BEGAIN: variants seen among roughly 807,000 people sequenced by gnomAD.
BEGAIN encodes brain enriched guanylate kinase associated, also known as brain-enriched guanylate kinase-associated protein.
BEGAIN carries 19 observed loss-of-function variants against 35.8 expected under a neutral mutation model. The ratio of observed to expected loss-of-function variants is 0.53; its 90% CI spans 0.37 to 0.78. The LOEUF (loss-of-function observed/expected upper bound fraction) is 0.78. BEGAIN is among the 30% of genes least tolerant of loss of function. The pLI, the probability that BEGAIN is intolerant of heterozygous loss-of-function variation, is 0.00. For synonymous variants in BEGAIN, 462 were observed against 388.6 expected (o/e 1.19, Z -2.22); for missense variants, 795 against 853.6 (o/e 0.93, Z 0.85).
chr14:100,567,216 G>C lies in BEGAIN; in HGVS notation c.71+695C>G, dbSNP rs1205657990. Among the ~76,000 whole-genome samples the C allele has an allele frequency of 6.6e-6, 1 of 152,208 alleles. No individual in the cohort carries two copies. Among genetic ancestry groups the C allele is most frequent in the Non-Finnish European group, 1.5e-5 (1 of 68,016 alleles). On this transcript the variant is annotated intron_variant, in intron 2 of 6. Transcript: ENST00000554140. This position sits in a 1 kb window ranked among gnomAD's most constrained non-coding sequence, Gnocchi z 5.1. ...CCAAAGTAGGGGTCAGGGTGCCAGG[G>C]GAAGTCGTGGAGGAAGTGGCAAATA...
rs142511754 is a variant in BEGAIN, at chr14:100,581,964, T to C, written c.42+5285A>G. Among the ~76,000 whole-genome samples the C allele has an allele frequency of 3.8e-4, 58 of 152,330 alleles. 1 individual carries two copies. Among genetic ancestry groups the C allele is most frequent in the African/African-American group, 1.3e-3 (53 of 41,582 alleles). On this transcript the variant is annotated intron_variant, in intron 1 of 6. Transcript: ENST00000554140. ...CCTCGCTTCATTCTTACAGCAGGCC[T>C]GAAAGCTAGGAGCAGCTACCCCGCT... is the stretch of plus-strand genomic sequence containing the variant.
At chr14:100,583,691 C>CTTTTTTTTTT (rs372001135) in intron 1 of BEGAIN, among the ~76,000 whole-genome samples, 1 of 53,894 alleles carries the variant, frequency 1.9e-5, no homozygotes, top group Non-Finnish European at 4.3e-5. Context: ...CGTTTTTCTT[C>CTTTTTTTTTT]CTTTTTTTTT....
chr14:100,576,353 T>A (rs2035202075), intron 1 of BEGAIN, among the ~76,000 whole-genome samples: 1 of 152,094 alleles, frequency 6.6e-6, no homozygotes. Flanking sequence ...TCCACCTCCC[T>A]CCTCCTCCAT....
At position 100,537,803 on chromosome 14, in the gene BEGAIN, C is replaced by A; in HGVS notation, c.*166G>T. The A allele has an allele frequency of 9.0e-7, 1 of 1,111,070 alleles. No individual in the cohort carries two copies. Among genetic ancestry groups the A allele is most frequent in the East Asian group, 3.0e-5 (1 of 33,180 alleles). 68.8% of individuals were successfully genotyped at this position (1,111,070 alleles called of 1,614,324 possible). A position where few individuals can be genotyped will look rare whatever the true frequency, so the allele number is the denominator to read the frequency against. On this transcript the variant is annotated 3_prime_UTR_variant, in exon 7 of 7. Transcript: ENST00000554140. ...GACACCGTGGTGTGGGGGACCCTCCCCTCAGGCCTACAGGGCTGGGGAGGA... is the reference window on the plus strand; with the variant it reads ...GACACCGTGGTGTGGGGGACCCTCCACTCAGGCCTACAGGGCTGGGGAGGA...
intron 1 of BEGAIN, among the ~76,000 whole-genome samples, chr14:100,572,017 A>G (rs2035094587): frequency 6.6e-6 from 1 of 152,156 alleles, no homozygotes. Flanking sequence ...GTTGGCCTGA[A>G]CGAATGCAGT....
chr14:100,545,183 C>T, intron 3 of BEGAIN, 117 bp from the exon 4 acceptor site: 1 of 1,557,680 alleles, frequency 6.4e-7, no homozygotes, highest in African/African-American at 1.3e-5. Flanking sequence ...GAGCTCACCC[C>T]ACCAGCTTCA....
At chr14:100,577,672 G>A in intron 1 of BEGAIN, 1 of 399,160 alleles carries the variant, frequency 2.5e-6, no homozygotes, top group East Asian at 3.6e-5. Context: ...GAGGGAGCCA[G>A]TGACAGCCCG....
intron 2 of BEGAIN, among the ~76,000 whole-genome samples, chr14:100,560,012 C>T (rs1224310520): frequency 6.6e-6 from 1 of 152,184 alleles, no homozygotes; most frequent in Non-Finnish European, 1.5e-5. Context: ...GTCTAGGATC[C>T]CCCAATCTCT....
rs1566984601 is a variant in BEGAIN at position 100,585,420 on chromosome 14, CCAT to C, written c.42+1826_42+1828del. On this transcript the variant is annotated intron_variant, in intron 1 of 6. Transcript: ENST00000554140. Reference sequence around the variant, plus strand: ...CCATCCATCCCTCCCTCCCTCCCATCCATCCATCCATCCATCCATCCATCCATC... The same window carrying C: ...CCATCCATCCCTCCCTCCCTCCCATCCCATCCATCCATCCATCCATCCATC... 3.8e-4 allele frequency among the ~76,000 whole-genome samples: 17 copies of C among 44,436 alleles called. 1 individual carries two copies. Among genetic ancestry groups the C allele is most frequent in the African/African-American group, 7.8e-4 (15 of 19,304 alleles). The allele number at this position is 44,436 out of a possible 152,430, so 29.2% of individuals were successfully genotyped here. A position where few individuals can be genotyped will look rare whatever the true frequency, so the allele number is the denominator to read the frequency against.
intron 1 of BEGAIN, among the ~76,000 whole-genome samples, 154 bp downstream of exon 1, chr14:100,587,095 G>A (rs891765806): frequency 1.3e-5 from 2 of 151,272 alleles, no homozygotes; most frequent in African/African-American, 4.8e-5. Context: ...CCGGGCCAGT[G>A]AAGCCTCCAC....
chr14:100,573,136 G>A lies in BEGAIN; in HGVS notation c.43-5197C>T, dbSNP rs529802982. Among the ~76,000 whole-genome samples, 65 of 151,442 alleles carry A rather than the reference G, an allele frequency of 4.3e-4. No homozygotes were observed. Among genetic ancestry groups the A allele is most frequent in the Non-Finnish European group, 8.1e-4 (55 of 67,844 alleles). On this transcript the variant is annotated intron_variant, in intron 1 of 6. Coordinates refer to ENST00000554140, the MANE Select transcript of BEGAIN (RefSeq NM_001385089.1). The surrounding 1 kb of genome is among the most constrained non-coding windows in gnomAD (Gnocchi z 4.2). ...CGGATGAAGTGAGCTGAGCCCAGTA[G>A]CAGATGAATCCCAAGGGGCCACTGG...
intron 1 of BEGAIN, among the ~76,000 whole-genome samples, chr14:100,580,696 C>T (rs1454527422): frequency 3.3e-5 from 5 of 152,106 alleles, no homozygotes; most frequent in Non-Finnish European, 7.4e-5. Context: ...CTAATGTTTG[C>T]AATTATTTAT....
chr14:100,543,788 G>T, intron 5 of BEGAIN, 70 bp downstream of exon 5: 2 of 1,233,058 alleles, frequency 1.6e-6, no homozygotes, highest in Non-Finnish European at 2.3e-6. Flanking sequence ...GTGACTCCCA[G>T]TGCATCCTGG....
chr14:100,574,230 G>A (rs74079151), intron 1 of BEGAIN, among the ~76,000 whole-genome samples: 106 of 152,328 alleles, frequency 7.0e-4, no homozygotes, highest in African/African-American at 2.3e-3. Context: ...TGGGTTACCC[G>A]GCAAGTTGAG....
Position 100,538,506 on chromosome 14 carries a change from C to T in BEGAIN, c.1302G>A (p.Arg434=). 1 of 1,530,486 alleles carries T rather than the reference C, an allele frequency of 6.5e-7. No individual in the cohort carries two copies. The highest frequency in any genetic ancestry group is 1.8e-4 in the Middle Eastern group (1 of 5,682). The allele number at this position is 1,530,486 out of a possible 1,614,324, so 94.8% of individuals were successfully genotyped here. ...GTARLPGEDM[R]GQWRPLSVED... is the part of the protein sequence containing the mutation. Reference sequence around the variant, plus strand: ...CCACGCTCAGGGGACGCCACTGGCCCCTCATGTCCTCCCCGGGGAGCCGGG... The same window carrying T: ...CCACGCTCAGGGGACGCCACTGGCCTCTCATGTCCTCCCCGGGGAGCCGGG... The change falls in exon 7 of 7, where the codon AGG becomes AGA. Residue 434 remains arginine, a synonymous_variant. Transcript: ENST00000554140.
intron 2 of BEGAIN, among the ~76,000 whole-genome samples, chr14:100,564,274 C>T (rs1040134189): frequency 6.6e-6 from 1 of 152,056 alleles, no homozygotes; most frequent in Non-Finnish European, 1.5e-5. Flanking sequence ...AGGCCTATCA[C>T]AGTTCACGAC....
chr14:100,539,652 C>CCCGCCA (rs1242630900), intron 6 of BEGAIN, among the ~76,000 whole-genome samples: 1 of 152,042 alleles, frequency 6.6e-6, no homozygotes, highest in African/African-American at 2.4e-5. Flanking sequence ...GGCTCCACCC[C>CCCGCCA]CCGCCACCCC....
intron 2 of BEGAIN, among the ~76,000 whole-genome samples, chr14:100,554,629 G>C (rs2033525075): frequency 6.6e-6 from 1 of 151,816 alleles, no homozygotes. Context: ...GTCAATTGCT[G>C]CCCCTCACTC....
intron 2 of BEGAIN, among the ~76,000 whole-genome samples, chr14:100,550,052 CGTGTGCGTGTGTGTG>C (rs1367098276): frequency 2.0e-5 from 3 of 152,200 alleles, no homozygotes; most frequent in Non-Finnish European, 4.4e-5. Flanking sequence ...TGTGTGTGCA[CGTGTGCGTGTGTGTG>C]GTGTGCGTGT....
Sources: allele counts gnomAD v4.1 joint callset (sites outside exome capture counted in the v4.1 genomes callset), GRCh38; gene constraint gnomAD v4.1.1; non-coding constraint Gnocchi (gnomAD v3.1); transcripts MANE v1.5; gene names NCBI Gene and HGNC (gene_info 2026-07-23, HGNC 2026-07-21).